The following POLR3E variants were observed in gnomAD, a reference collection of about 807,000 sequenced individuals.
POLR3E encodes the protein RNA polymerase III subunit E.
In POLR3E, 41 loss-of-function variants were observed where a neutral mutation model predicts 96.6. The observed-to-expected ratio is 0.42, with a 90% CI of 0.33 to 0.55. The LOEUF is 0.55. Among genes scored for constraint, POLR3E ranks in the 20% least tolerant of loss-of-function variants. The pLI, the probability that POLR3E is intolerant of heterozygous loss-of-function variation, is 0.06. For synonymous variants in POLR3E, 396 were observed against 383.6 expected (o/e 1.03, Z -0.38); for missense variants, 849 against 952.1 (o/e 0.89, Z 1.43).
chr16:22,302,838 C>A, intron 1 of POLR3E, 93 bp from the exon 2 acceptor site: 2 of 852,026 alleles, frequency 2.3e-6, no homozygotes. Flanking sequence ...TGGTTGTGGG[C>A]TCCCCCTCCC....
At chr16:22,330,104 GCT>G (rs2048705382) in intron 19 of POLR3E, among the ~76,000 whole-genome samples, 1 of 146,682 alleles carries the variant, frequency 6.8e-6, no homozygotes, top group Non-Finnish European at 1.5e-5. Context: ...TCTTGCTCTT[GCT>G]CTGTCATCTA....
rs539226582 is a variant in POLR3E, at chr16:22,306,343, C to T, written c.87+1137C>T. 3.9e-5 allele frequency among the ~76,000 whole-genome samples: 6 copies of T among 152,330 alleles called. No individual in the cohort carries two copies. The South Asian group carries it at 1.2e-3, about 32-fold the overall frequency. On this transcript the variant is annotated intron_variant, in intron 3 of 20. Transcript: ENST00000299853. ...GCTTGATTGCGGCTCACCACAACCT[C>T]TGCCTCCCAGGCTCAAGTGATTCTG...
At chr16:22,319,084 C>A (rs1397270573) in intron 13 of POLR3E, 138 bp downstream of exon 13, 1 of 536,770 alleles carries the variant, frequency 1.9e-6, no homozygotes, top group Admixed American at 3.2e-5. Context: ...AAGCAACTCT[C>A]CTGCCTCAGC....
chr16:22,307,618 T>C (rs1193516480), intron 3 of POLR3E, among the ~76,000 whole-genome samples: 1 of 152,190 alleles, frequency 6.6e-6, no homozygotes, highest in Non-Finnish European at 1.5e-5. Flanking sequence ...GGCTCCCTTT[T>C]CCAGCATCTT....
chr16:22,326,362 A>G lies in POLR3E; in HGVS notation c.1866+84A>G, dbSNP rs1010589858. On this transcript the variant is annotated intron_variant, in intron 18 of 20. Transcript: ENST00000299853. ...TTGGGAGGCCACGTGGGGACACGGG[A>G]GGCCATGCTTGGTGAGCATCTGCTC... is the stretch of plus-strand genomic sequence containing the variant. 11 of 1,195,698 alleles carry G rather than the reference A, an allele frequency of 9.2e-6. No individual in the cohort carries two copies. The African/African-American group carries it at 1.5e-4, about 16-fold the overall frequency. 74.1% of individuals were successfully genotyped at this position (1,195,698 alleles called of 1,614,324 possible).
In POLR3E at chr16:22,325,749, C is replaced by T. The variant is rs1210906710; in HGVS notation, c.1349-12C>T. The T allele has an allele frequency of 1.3e-6, 2 of 1,544,746 alleles. No individual in the cohort carries two copies. Among genetic ancestry groups the T allele is most frequent in the South Asian group, 2.5e-5 (2 of 79,462 alleles). On this transcript the variant is annotated splice_polypyrimidine_tract_variant and intron_variant, in intron 17 of 20. Coordinates refer to ENST00000299853, the MANE Select transcript of POLR3E (RefSeq NM_018119.4). ...TGTGCCCTCCTGAGCAGTGCTGCCT[C>T]CCTCCCCGCAGGGCCTGCCGGGCTG...
rs886075724 is a variant in POLR3E at position 22,334,798 on chromosome 16, T to C, written c.*1098T>C. ...TGGATAGCACAGCCCTAGAAACTGA[T>C]GGAAAAAATAAGAGTAAGCTAGGTT... is the stretch of plus-strand genomic sequence containing the variant. On this transcript the variant is annotated 3_prime_UTR_variant, in exon 21 of 21. Coordinates refer to ENST00000299853, the MANE Select transcript of POLR3E (RefSeq NM_018119.4). The C allele has an allele frequency of 6.6e-6, 1 of 152,154 alleles. No individual in the cohort carries two copies. The highest frequency in any genetic ancestry group is 1.5e-5 in the Non-Finnish European group (1 of 68,028). 9.4% of individuals were successfully genotyped at this position (152,154 alleles called of 1,614,324 possible). A position where few individuals can be genotyped will look rare whatever the true frequency, so the allele number is the denominator to read the frequency against.
intron 16 of POLR3E, 127 bp downstream of exon 16, chr16:22,324,787 G>A: frequency 9.6e-7 from 1 of 1,044,828 alleles, no homozygotes; most frequent in Non-Finnish European, 1.4e-6. Flanking sequence ...CAGTTGGGCT[G>A]GATCTGGGTG....
In POLR3E at chr16:22,334,030, G is replaced by A. The variant is rs572650605; in HGVS notation, c.*330G>A. On this transcript the variant is annotated 3_prime_UTR_variant, in exon 21 of 21. Coordinates refer to ENST00000299853, the MANE Select transcript of POLR3E (RefSeq NM_018119.4). ...ACATGGGCAGGATGATAAAAATCAT[G>A]GTTTAATATTTTCTTTTGTAAACTT... 1.5e-4 allele frequency: 38 copies of A among 257,096 alleles called. No homozygotes were observed. The highest frequency in any genetic ancestry group is 8.1e-4 in the African/African-American group (37 of 45,470). 15.9% of individuals were successfully genotyped at this position (257,096 alleles called of 1,614,324 possible).
chr16:22,308,178 G>C lies in POLR3E; in HGVS notation c.118G>C (p.Asp40His), dbSNP rs200525630. 271 of 1,613,742 alleles carry C rather than the reference G, an allele frequency of 1.7e-4. 2 individuals carry two copies. Among genetic ancestry groups the C allele is most frequent in the Admixed American group, 1.1e-3 (63 of 59,994 alleles). The change falls in exon 4 of 21, where the codon GAT (aspartate) becomes CAT (histidine). Residue 40 changes from aspartate to histidine, a missense_variant. By Grantham distance (81) the Asp-to-His change is moderately conservative (BLOSUM62 -1). Coordinates refer to ENST00000299853, the MANE Select transcript of POLR3E (RefSeq NM_018119.4). The stretch of plus-strand genomic sequence containing the variant: ...TGTGCGTCCAGCCTCGATGACCTAC[G>C]ATGACATTCCGCACCTCTCAGCCAA... ...YPVRPASMTY[D>H]DIPHLSAKIK...
chr16:22,303,082 G>T (rs2048060658), intron 2 of POLR3E, 78 bp downstream of exon 2: 6 of 1,284,802 alleles, frequency 4.7e-6, no homozygotes, highest in Non-Finnish European at 6.8e-6. Flanking sequence ...CCTCAGGCCA[G>T]TCTGGGACCT....
At chr16:22,331,221 C>G (rs1020228568) in intron 19 of POLR3E, among the ~76,000 whole-genome samples, 1 of 151,902 alleles carries the variant, frequency 6.6e-6, no homozygotes, top group African/African-American at 2.4e-5. Context: ...TCAGGTAATC[C>G]GCCTGCCTCG....
intron 19 of POLR3E, among the ~76,000 whole-genome samples, chr16:22,330,286 TG>T (rs2048710109): frequency 6.6e-6 from 1 of 152,148 alleles, no homozygotes; most frequent in Non-Finnish European, 1.5e-5. Context: ...GGTCCCACCA[TG>T]TTGGCCAGGC....
chr16:22,305,346 C>T (rs550714190), intron 3 of POLR3E, 140 bp downstream of exon 3: 29 of 744,830 alleles, frequency 3.9e-5, no homozygotes, highest in Admixed American at 3.0e-4. Context: ...TCTTTGCTTT[C>T]GTGGGTGGGT....
Position 22,332,180 on chromosome 16 carries a change from C to T in POLR3E, c.2065C>T (p.Leu689=), listed in dbSNP as rs1250882064. 1 of 1,612,886 alleles carries T rather than the reference C, an allele frequency of 6.2e-7. No individual in the cohort carries two copies. Among genetic ancestry groups the T allele is most frequent in the Non-Finnish European group, 8.5e-7 (1 of 1,179,206 alleles). Residue 689 remains leucine, a synonymous_variant, in exon 20 of 21, where the codon CTA becomes TTA. Transcript: ENST00000299853. The part of the protein sequence containing the change: ...DLSKQEVDKV[L]KDCCVSYGGM... The stretch of plus-strand genomic sequence containing the variant: ...CAGTAAACAGGAGGTGGATAAAGTA[C>T]TAAAGGTACATCCATTTTGTGCATA...
chr16:22,325,474 T>G, intron 17 of POLR3E: 1 of 615,166 alleles, frequency 1.6e-6, no homozygotes, highest in South Asian at 2.0e-5. Context: ...GCTTGCGGAT[T>G]CCAGGGCTGA....
Position 22,322,921 on chromosome 16 carries a change from G to C in POLR3E, c.1058G>C (p.Arg353Pro). ...CCTGCTGAGGTGCTCTGCAGGGGCC[G>C]AGACTTCGTTGTAAGTACCTTGGGT... is the stretch of plus-strand genomic sequence containing the variant. ...GVPAEVLCRG[R>P]DFVMWKFTQS... is the part of the protein sequence containing the mutation. Residue 353 changes from arginine (R) to proline (P), a missense_variant, in exon 14 of 21, where the codon CGA (arginine) becomes CCA (proline). By Grantham distance (103) the Arg-to-Pro change is moderately radical. Coordinates refer to ENST00000299853, the MANE Select transcript of POLR3E (RefSeq NM_018119.4). This position sits in a 1 kb window ranked among gnomAD's most constrained non-coding sequence, Gnocchi z 5.2. The C allele has an allele frequency of 6.2e-7, 1 of 1,611,432 alleles. No homozygotes were observed. The highest frequency in any genetic ancestry group is 8.5e-7 in the Non-Finnish European group (1 of 1,178,296).
At chr16:22,311,267 C>CTT (rs2048239499) in intron 6 of POLR3E, among the ~76,000 whole-genome samples, 1 of 81,148 alleles carries the variant, frequency 1.2e-5, no homozygotes, top group African/African-American at 7.0e-5. Context: ...CTGTGCCCAG[C>CTT]CTTTTTTTTT....
intron 3 of POLR3E, among the ~76,000 whole-genome samples, chr16:22,307,505 G>A (rs1374858667): frequency 6.6e-6 from 1 of 152,140 alleles, no homozygotes; most frequent in Admixed American, 6.5e-5. Flanking sequence ...AGAGAGAGAG[G>A]GACAGTGTAC....
Sources: allele counts gnomAD v4.1 joint callset (sites outside exome capture counted in the v4.1 genomes callset), GRCh38; gene constraint gnomAD v4.1.1; non-coding constraint Gnocchi (gnomAD v3.1); transcripts MANE v1.5; gene names NCBI Gene and HGNC (gene_info 2026-07-23, HGNC 2026-07-21).